The following UGT1A7 variants were observed in gnomAD, a reference collection of about 807,000 sequenced individuals.
UGT1A7 encodes UDP glucuronosyltransferase family 1 member A7, also known as UDP-glucuronosyltransferase 1A7.
A neutral mutation model predicts 45.6 loss-of-function variants in UGT1A7; 33 were observed. The ratio of observed to expected loss-of-function variants is 0.72; its 90% CI spans 0.55 to 0.97. The LOEUF is 0.97. Among genes scored for constraint, UGT1A7 ranks in the 50% least tolerant of loss-of-function variants. UGT1A7 has a pLI of 0.00. For missense variants in UGT1A7, 684 were observed against 666.2 expected (o/e 1.03, Z -0.29); for synonymous variants, 274 against 250.6 (o/e 1.09, Z -0.88).
In UGT1A7 at chr2:233,681,920, CT is replaced by C. The variant is rs757101373; in HGVS notation, c.-17del. The stretch of plus-strand genomic sequence containing the variant: ...GAGCTTAGAATCCCAGCTGCTGGCT[CT>C]GGGCTGAAGTTCTCTGATGGCTCGT... On this transcript the variant is annotated 5_prime_UTR_variant, in exon 1 of 5. Coordinates refer to ENST00000373426, the MANE Select transcript of UGT1A7 (RefSeq NM_019077.3). 3.7e-6 allele frequency: 6 copies of C among 1,605,606 alleles called. No homozygotes were observed. In the African/African-American group the frequency reaches 8.0e-5, roughly 22 times the overall value.
At chr2:233,705,534 G>A (rs2075855831) in intron 1 of UGT1A7, among the ~76,000 whole-genome samples, 1 of 152,186 alleles carries the variant, frequency 6.6e-6, no homozygotes, top group Non-Finnish European at 1.5e-5. Context: ...ACCTTCAGCT[G>A]TGAAGAGCAG....
In UGT1A7 at chr2:233,740,134, T is replaced by C. The variant is rs143794870; in HGVS notation, c.856-26900T>C. ...CTTATCTCTCACCTTCTGTCATGATTGTAAGTTTCCTGAGGCCTCCCCAGT... is the reference window on the plus strand; with the variant it reads ...CTTATCTCTCACCTTCTGTCATGATCGTAAGTTTCCTGAGGCCTCCCCAGT... On this transcript the variant is annotated intron_variant, in intron 1 of 4. Transcript: ENST00000373426. Among the ~76,000 whole-genome samples the C allele has an allele frequency of 9.1e-3, 1,384 of 152,004 alleles. 51 individuals carry two copies. The highest frequency in any genetic ancestry group is 0.032 in the African/African-American group (1,337 of 41,236).
At chr2:233,722,949 G>C (rs2077051910) in intron 1 of UGT1A7, among the ~76,000 whole-genome samples, 2 of 134,510 alleles carry the variant, frequency 1.5e-5, no homozygotes, top group South Asian at 5.6e-4. Flanking sequence ...AGTGGGCTGA[G>C]GAGGAGGAGG....
intron 1 of UGT1A7, among the ~76,000 whole-genome samples, chr2:233,750,114 G>T (rs1694365231): frequency 6.6e-6 from 1 of 151,914 alleles, no homozygotes; most frequent in South Asian, 2.1e-4. Flanking sequence ...AAGAAGACAG[G>T]AAGATGTGGG....
intron 1 of UGT1A7, among the ~76,000 whole-genome samples, chr2:233,703,320 AT>A (rs36043462): frequency 0.15 from 22,518 of 151,968 alleles, 1,958 homozygotes; most frequent in South Asian, 0.24. Context: ...ATTTTTAGCA[AT>A]TTTGAGTCTT....
chr2:233,737,721 C>CT (rs1222184655), intron 1 of UGT1A7, among the ~76,000 whole-genome samples: 6 of 151,320 alleles, frequency 4.0e-5, no homozygotes, highest in Non-Finnish European at 7.4e-5. Context: ...CCAACACCTC[C>CT]TTTTTTTTTC....
At chr2:233,766,271 G>A (rs926044962) in intron 1 of UGT1A7, among the ~76,000 whole-genome samples, 6 of 67,896 alleles carry the variant, frequency 8.8e-5, no homozygotes, top group Non-Finnish European at 1.8e-4. Context: ...GCCCGGGCTC[G>A]GTGGCCCGGG....
intron 1 of UGT1A7, among the ~76,000 whole-genome samples, chr2:233,695,045 A>G (rs2075255469): frequency 6.6e-6 from 1 of 152,000 alleles, no homozygotes; most frequent in African/African-American, 2.4e-5. Context: ...TGTTAACCAT[A>G]GTCACCCTAC....
intron 1 of UGT1A7, chr2:233,693,306 AGCGATCAT>A (rs756247259): frequency 1.2e-6 from 2 of 1,614,218 alleles, no homozygotes; most frequent in Admixed American, 3.3e-5. Flanking sequence ...CACTTTGCTG[AGCGATCAT>A]TCCTAACTGC....
In UGT1A7 at chr2:233,760,736, C is replaced by T. The variant is rs371418452; in HGVS notation, c.856-6298C>T. ...GAAAGCAGCTTTGATGTCATGCTGA[C>T]GGACCCTTTCCTTCCTTGCAGCCCC... is the stretch of plus-strand genomic sequence containing the variant. On this transcript the variant is annotated intron_variant, in intron 1 of 4. Coordinates refer to ENST00000373426, the MANE Select transcript of UGT1A7 (RefSeq NM_019077.3). The T allele has an allele frequency of 6.2e-7, 1 of 1,614,160 alleles. No homozygotes were observed.
chr2:233,711,517 T>C (rs2076184771), intron 1 of UGT1A7, among the ~76,000 whole-genome samples: 4 of 152,144 alleles, frequency 2.6e-5, no homozygotes, highest in Admixed American at 2.6e-4. Context: ...GCGCTCTGTG[T>C]CCTCACAACT....
intron 1 of UGT1A7, among the ~76,000 whole-genome samples, chr2:233,730,912 AG>A (rs1229657899): frequency 1.3e-5 from 2 of 152,192 alleles, no homozygotes; most frequent in East Asian, 3.9e-4. Context: ...CAAAAATTTC[AG>A]AGGCAGCTTT....
chr2:233,742,787 T>A (rs955891060), intron 1 of UGT1A7: 16 of 153,018 alleles, frequency 1.0e-4, no homozygotes, highest in African/African-American at 3.9e-4. Flanking sequence ...TGAACCATCA[T>A]TAAATTAAGC....
chr2:233,718,839 G>A, intron 1 of UGT1A7: 1 of 1,613,658 alleles, frequency 6.2e-7, no homozygotes, highest in Non-Finnish European at 8.5e-7. Context: ...AGGACTCCAG[G>A]TTCCCCTGCC....
chr2:233,749,668 C>T (rs1454528355), intron 1 of UGT1A7, among the ~76,000 whole-genome samples: 2 of 151,734 alleles, frequency 1.3e-5, no homozygotes, highest in Non-Finnish European at 2.9e-5. Flanking sequence ...CCCCATAATC[C>T]CCACGTGTCA....
At chr2:233,728,805 A>G (rs2077752028) in intron 1 of UGT1A7, among the ~76,000 whole-genome samples, 1 of 152,166 alleles carries the variant, frequency 6.6e-6, no homozygotes, top group Non-Finnish European at 1.5e-5. Context: ...GAAGTAGGAG[A>G]CAGTGACATG....
chr2:233,772,602 G>A lies in UGT1A7; in HGVS notation c.*43G>A. 6.3e-7 allele frequency: 1 copy of A among 1,589,502 alleles called. No individual in the cohort carries two copies. Among genetic ancestry groups the A allele is most frequent in the Non-Finnish European group, 8.6e-7 (1 of 1,167,066 alleles). On this transcript the variant is annotated 3_prime_UTR_variant, in exon 5 of 5. Transcript: ENST00000373426. The stretch of plus-strand genomic sequence containing the variant: ...AGGTAAAATTTTGAACCATTCCCTA[G>A]TCATTTCCAAACTTGAAAACAGAAT...
chr2:233,693,186 C>G lies in UGT1A7; in HGVS notation c.855+10394C>G. The G allele has an allele frequency of 1.9e-6, 3 of 1,614,092 alleles. No individual in the cohort carries two copies. The Middle Eastern group carries it at 4.9e-4, about 266-fold the overall frequency. ...GGTCATGAGATTGTAGTGGTGGTGCCTGAAGTTAATTTGCTTTTGAAAGAA... is the reference window on the plus strand; with the variant it reads ...GGTCATGAGATTGTAGTGGTGGTGCGTGAAGTTAATTTGCTTTTGAAAGAA... On this transcript the variant is annotated intron_variant, in intron 1 of 4. Transcript: ENST00000373426.
chr2:233,744,239 T>C (rs1275088982), intron 1 of UGT1A7, among the ~76,000 whole-genome samples: 1 of 151,842 alleles, frequency 6.6e-6, no homozygotes, highest in Non-Finnish European at 1.5e-5. Flanking sequence ...GCCTTGACTT[T>C]GGCTGCCTGA....
Sources: allele counts gnomAD v4.1 joint callset (sites outside exome capture counted in the v4.1 genomes callset), GRCh38; gene constraint gnomAD v4.1.1; transcripts MANE v1.5; gene names NCBI Gene and HGNC (gene_info 2026-07-23, HGNC 2026-07-21).